Variants in HIC2 observed in about 807,000 individuals in gnomAD.
The protein encoded by HIC2 is HIC ZBTB transcriptional repressor 2, also known as hypermethylated in cancer 2 protein.
Under a neutral mutation model 39.5 loss-of-function variants are expected in HIC2, and 2 were observed. That is an observed-to-expected ratio of 0.05 (90% CI 0.02 to 0.16). The LOEUF is 0.16. Among genes scored for constraint, HIC2 ranks in the 10% least tolerant of loss-of-function variants. The probability of loss-of-function intolerance (pLI) is 1.00; values close to 1 mark genes in which losing one functional copy is unlikely to be tolerated. For missense variants in HIC2, 713 were observed against 863.5 expected (o/e 0.83, Z 2.18); for synonymous variants, 399 against 368.8 (o/e 1.08, Z -0.94).
chr22:21,449,910 T>G lies in HIC2; in HGVS notation c.*3167T>G, dbSNP rs1289690107. 6.6e-6 allele frequency: 1 copy of G among 152,670 alleles called. No homozygotes were observed. Among genetic ancestry groups the G allele is most frequent in the Non-Finnish European group, 1.5e-5 (1 of 68,060 alleles). The allele number at this position is 152,670 out of a possible 1,614,324, so 9.5% of individuals were successfully genotyped here. ...CCCCCTGCTGCTCTGCCCGTGACCC[T>G]TGGGGATGGGTTGATGCGAGGGTCC... On this transcript the variant is annotated 3_prime_UTR_variant, in exon 3 of 3. Transcript: ENST00000407464.
At chr22:21,430,824 T>TTG (rs985004085) in intron 1 of HIC2, among the ~76,000 whole-genome samples, 1 of 75,878 alleles carries the variant, frequency 1.3e-5, no homozygotes, top group African/African-American at 6.6e-5. Flanking sequence ...TGAGCCGAGA[T>TTG]TGTGTCACTG....
At chr22:21,417,788 TGGGGCACCC>T (rs1181348881) in intron 1 of HIC2, among the ~76,000 whole-genome samples, 2 of 135,724 alleles carry the variant, frequency 1.5e-5, no homozygotes, top group African/African-American at 5.5e-5. Context: ...GCGCGGGCGG[TGGGGCACCC>T]GGGGCACAAA....
At position 21,445,728 on chromosome 22, in the gene HIC2, A is replaced by T. The variant is rs774864230; in HGVS notation, c.833A>T (p.His278Leu). ...GCAGCCCAGCTGAGCGACAGCCAACATGGCTCGCCCCCTGCGGCCTCTGCT... is the reference window on the plus strand; with the variant it reads ...GCAGCCCAGCTGAGCGACAGCCAACTTGGCTCGCCCCCTGCGGCCTCTGCT... Reference protein sequence around the residue: ...DDAAQLSDSQHGSPPAASAPP... With the variant: ...DDAAQLSDSQLGSPPAASAPP... Residue 278 changes from histidine (H) to leucine (L), a missense_variant, in exon 3 of 3, where the codon CAT becomes CTT. By Grantham distance (99) the His-to-Leu change is moderately conservative. This residue lies in a region of HIC2 where 457 missense variants were observed against 420.2 expected (regional missense o/e 1.09). Coordinates refer to ENST00000407464, the MANE Select transcript of HIC2 (RefSeq NM_015094.3). 6 of 1,611,266 alleles carry T rather than the reference A, an allele frequency of 3.7e-6. No homozygotes were observed. In the African/African-American group the frequency reaches 6.7e-5, roughly 18 times the overall value.
At chr22:21,421,902 A>G (rs1923086228) in intron 1 of HIC2, among the ~76,000 whole-genome samples, 1 of 34,812 alleles carries the variant, frequency 2.9e-5, no homozygotes, top group African/African-American at 5.6e-5. Flanking sequence ...TGGCTCTGGC[A>G]GGGGTGTGGC....
Position 21,446,869 on chromosome 22 carries a change from G to A in HIC2, c.*126G>A. ...GTGGAGGCTCCGGGTGGCCCCTCTG[G>A]CCCCCACTGCCCACACCCAGAGCTT... On this transcript the variant is annotated 3_prime_UTR_variant, in exon 3 of 3. Transcript: ENST00000407464. 1.6e-6 allele frequency: 2 copies of A among 1,262,780 alleles called. No individual in the cohort carries two copies. Among genetic ancestry groups the A allele is most frequent in the African/African-American group, 1.5e-5 (1 of 66,100 alleles). 78.2% of individuals were successfully genotyped at this position (1,262,780 alleles called of 1,614,324 possible).
At chr22:21,425,542 CTTTTTT>C (rs1207096707) in intron 1 of HIC2, among the ~76,000 whole-genome samples, 13 of 60,622 alleles carry the variant, frequency 2.1e-4, no homozygotes, top group African/African-American at 6.3e-4. Flanking sequence ...TTAATTTTTT[CTTTTTT>C]TTTTTTTTTT....
rs1338525169 is a variant in HIC2, at chr22:21,448,630, A to G, written c.*1887A>G. On this transcript the variant is annotated 3_prime_UTR_variant, in exon 3 of 3. Transcript: ENST00000407464. ...CCACCCCTCTAGAGACCCTCCAGCT[A>G]AAAACAGAGCCTGAGTTCAGGGACC... The G allele has an allele frequency of 6.5e-6, 1 of 152,758 alleles. No homozygotes were observed. Among genetic ancestry groups the G allele is most frequent in the Admixed American group, 6.5e-5 (1 of 15,274 alleles). The allele number at this position is 152,758 out of a possible 1,614,324, so 9.5% of individuals were successfully genotyped here.
chr22:21,417,982 G>A lies in HIC2; in HGVS notation c.-74+422G>A, dbSNP rs1355709219. Among the ~76,000 whole-genome samples, 3 of 147,988 alleles carry A rather than the reference G, an allele frequency of 2.0e-5. No individual in the cohort carries two copies. The East Asian group carries it at 7.0e-4, about 35-fold the overall frequency. ...CCATTATGCAAACGGCCCTGCGCCC[G>A]CGTTCGCCCCCTCGCTAGAGGATTT... On this transcript the variant is annotated intron_variant, in intron 1 of 2. Coordinates refer to ENST00000407464, the MANE Select transcript of HIC2 (RefSeq NM_015094.3).
In HIC2 at chr22:21,446,333, G is replaced by A. The variant is rs1199868816; in HGVS notation, c.1438G>A (p.Gly480Ser). ...CAAGGAAGAGGGGGCCTACGAGACA[G>A]GCAGTGGGGGTGCCGAGGAGGAGGC... ...FIKEEGAYET[G>S]SGGAEEEAED... is the part of the protein sequence containing the mutation. Residue 480 changes from glycine to serine, a missense_variant, in exon 3 of 3, where the codon GGC (glycine) becomes AGC (serine). This residue lies in a region of HIC2 where 103 missense variants were observed against 103.4 expected (regional missense o/e 1.00). Coordinates refer to ENST00000407464, the MANE Select transcript of HIC2 (RefSeq NM_015094.3). 4 of 1,613,226 alleles carry A rather than the reference G, an allele frequency of 2.5e-6. No homozygotes were observed. In the Admixed American group the frequency reaches 6.7e-5, roughly 27 times the overall value.
At position 21,445,161 on chromosome 22, in the gene HIC2, G is replaced by A; in HGVS notation, c.266G>A (p.Ser89Asn). 6.2e-7 allele frequency: 1 copy of A among 1,614,206 alleles called. No individual in the cohort carries two copies. Among genetic ancestry groups the A allele is most frequent in the Middle Eastern group, 1.6e-4 (1 of 6,062 alleles). Reference protein sequence around the residue: ...NLINLDTDMVSSTVFQQILDF... With the variant: ...NLINLDTDMVNSTVFQQILDF... Reference sequence around the variant, plus strand: ...ATCAACCTGGACACAGACATGGTCAGCTCCACAGTGTTCCAGCAGATCTTG... The same window carrying A: ...ATCAACCTGGACACAGACATGGTCAACTCCACAGTGTTCCAGCAGATCTTG... Residue 89 changes from serine (S) to asparagine (N), a missense_variant, in exon 3 of 3, where the codon AGC becomes AAC. Ser to Asn is a conservative substitution (Grantham distance 46, BLOSUM62 1). Around this residue, in one of 5 missense-constraint regions of HIC2, gnomAD observed 102 missense variants for 187.1 expected, o/e 0.55. Transcript: ENST00000407464.
intron 1 of HIC2, among the ~76,000 whole-genome samples, chr22:21,438,203 T>G (rs1923467157): frequency 6.6e-6 from 1 of 152,420 alleles, no homozygotes; most frequent in Middle Eastern, 3.4e-3. Context: ...GAGATGAGTT[T>G]GACCCCCGCC....
chr22:21,444,508 A>T (rs1408454708), intron 2 of HIC2, among the ~76,000 whole-genome samples: 1 of 152,234 alleles, frequency 6.6e-6, no homozygotes, highest in Admixed American at 6.5e-5. Context: ...CCTCTCACGG[A>T]GTCCTCTGCT....
rs778907338 is a variant in HIC2 at position 21,446,326 on chromosome 22, C to T, written c.1431C>T (p.Tyr477=). 1.1e-5 allele frequency: 18 copies of T among 1,613,092 alleles called. No individual in the cohort carries two copies. The highest frequency in any genetic ancestry group is 4.5e-5 in the East Asian group (2 of 44,860). Residue 477 remains tyrosine (Y), a synonymous_variant, in exon 3 of 3, where the codon TAC becomes TAT. Coordinates refer to ENST00000407464, the MANE Select transcript of HIC2 (RefSeq NM_015094.3). ...TGTTCATCAAGGAAGAGGGGGCCTA[C>T]GAGACAGGCAGTGGGGGTGCCGAGG... ...EELFIKEEGA[Y]ETGSGGAEEE...
intron 2 of HIC2, among the ~76,000 whole-genome samples, 159 bp downstream of exon 2, chr22:21,443,016 T>C (rs1191555128): frequency 6.6e-6 from 1 of 152,038 alleles, no homozygotes; most frequent in Non-Finnish European, 1.5e-5. Context: ...CACTGCCCTC[T>C]TCCAGTCCCC....
Position 21,446,791 on chromosome 22 carries a change from C to A in HIC2, c.*48C>A. 1.3e-6 allele frequency: 2 copies of A among 1,559,640 alleles called. No individual in the cohort carries two copies. The highest frequency in any genetic ancestry group is 1.7e-6 in the Non-Finnish European group (2 of 1,150,952). On this transcript the variant is annotated 3_prime_UTR_variant, in exon 3 of 3. Transcript: ENST00000407464. ...CTCTGCCACCTTGCTCCCCGGGAAC[C>A]CATGGAAGGAGAAGCGAGGTGATGC... is the stretch of plus-strand genomic sequence containing the variant.
intron 1 of HIC2, chr22:21,420,703 C>G (rs2148331690): frequency 6.0e-5 from 1 of 16,726 alleles, no homozygotes; most frequent in Middle Eastern, 0.015. Context: ...GGACGCGGAC[C>G]CACGGGTACT....
intron 2 of HIC2, 100 bp from the exon 3 acceptor site, chr22:21,444,822 A>T: frequency 2.3e-6 from 3 of 1,331,094 alleles, no homozygotes; most frequent in Non-Finnish European, 3.1e-6. Flanking sequence ...ATGTGGGGTC[A>T]GTTCTGAGGC....
rs760848205 is a variant in HIC2, at chr22:21,445,525, C to T, written c.630C>T (p.Ser210=). ...TTCTTGGTGGCTCTAACCAGGATAGCGTGCAAGGTCTGGGCCGGGCTGTCT... is the reference window on the plus strand; with the variant it reads ...TTCTTGGTGGCTCTAACCAGGATAGTGTGCAAGGTCTGGGCCGGGCTGTCT... ...ELFLGGSNQD[S]VQGLGRAVCP... is the part of the protein sequence containing the mutation. Residue 210 remains serine (S), a synonymous_variant, in exon 3 of 3, where the codon AGC becomes AGT. Transcript: ENST00000407464. 9.4e-6 allele frequency: 15 copies of T among 1,599,982 alleles called. No homozygotes were observed. Among genetic ancestry groups the T allele is most frequent in the East Asian group, 6.7e-5 (3 of 44,780 alleles).
intron 1 of HIC2, among the ~76,000 whole-genome samples, chr22:21,423,863 TGGTCCCCTGCA>T (rs1923148489): frequency 9.3e-6 from 1 of 107,234 alleles, no homozygotes; most frequent in Admixed American, 9.6e-5. Flanking sequence ...AGTGGGAAGG[TGGTCCCCTGCA>T]GGTCCCCCAT....
Sources: allele counts gnomAD v4.1 joint callset (sites outside exome capture counted in the v4.1 genomes callset), GRCh38; gene constraint gnomAD v4.1.1; regional missense constraint gnomAD v4.1.1; transcripts MANE v1.5; gene names NCBI Gene and HGNC (gene_info 2026-07-23, HGNC 2026-07-21).